The following UNC13C variants were observed in gnomAD, a reference collection of about 807,000 sequenced individuals.
UNC13C encodes the protein protein unc-13 homolog C.
UNC13C carries 174 observed loss-of-function variants against 245.4 expected under a neutral mutation model. The ratio of observed to expected loss-of-function variants is 0.71; its 90% CI spans 0.63 to 0.80. The LOEUF is 0.80. Among genes scored for constraint, UNC13C ranks in the 30% least tolerant of loss-of-function variants. The pLI, the probability that UNC13C is intolerant of heterozygous loss-of-function variation, is 0.00. For synonymous variants in UNC13C, 992 were observed against 895.1 expected, an observed-to-expected ratio of 1.11 and a Z score of -1.93; for missense variants, 2,829 against 2,602.9, an observed-to-expected ratio of 1.09 and a Z score of -1.89.
chr15:54,006,679 C>T (rs1373614811), intron 1 of UNC13C, among the ~76,000 whole-genome samples: 1 of 152,120 alleles, frequency 6.6e-6, no homozygotes, highest in African/African-American at 2.4e-5. Context: ...CTAGAGGATG[C>T]TTTTTAAAAT....
At chr15:54,376,345 T>G (rs1186075721) in intron 17 of UNC13C, among the ~76,000 whole-genome samples, 3 of 152,156 alleles carry the variant, frequency 2.0e-5, no homozygotes, top group Non-Finnish European at 4.4e-5. Flanking sequence ...AAAAGGGGTT[T>G]TAAGAAGATA....
intron 18 of UNC13C, among the ~76,000 whole-genome samples, chr15:54,400,210 A>G (rs959581096): frequency 6.6e-6 from 1 of 151,964 alleles, no homozygotes; most frequent in African/African-American, 2.4e-5. Context: ...AGGCCCTGGT[A>G]TTGTGTAATC....
chr15:54,437,178 C>G (rs1246080836), intron 19 of UNC13C, among the ~76,000 whole-genome samples: 1 of 151,856 alleles, frequency 6.6e-6, no homozygotes, highest in Non-Finnish European at 1.5e-5. Flanking sequence ...CGTTTTGCCT[C>G]AAATATTTTT....
chr15:54,375,161 GCA>G (rs1201188500), intron 17 of UNC13C, among the ~76,000 whole-genome samples: 1 of 152,166 alleles, frequency 6.6e-6, no homozygotes, highest in Non-Finnish European at 1.5e-5. Flanking sequence ...GTAATTGACT[GCA>G]CTAGGTAAAG....
chr15:54,509,459 A>T (rs1894640289), intron 23 of UNC13C, among the ~76,000 whole-genome samples: 1 of 152,142 alleles, frequency 6.6e-6, no homozygotes, highest in Non-Finnish European at 1.5e-5. Context: ...CACTTTGGCC[A>T]TGTAGAAGTG....
the UNC13C span, among the ~76,000 whole-genome samples, chr15:53,868,961 T>G: frequency 1.2e-4 from 18 of 152,076 alleles, no homozygotes; most frequent in African/African-American, 4.3e-4. Context: ...TACAAAAAAT[T>G]TAGTCGGGCG....
the UNC13C span, among the ~76,000 whole-genome samples, chr15:53,928,397 G>A: frequency 5.3e-5 from 8 of 152,288 alleles, no homozygotes; most frequent in South Asian, 8.3e-4. Context: ...ATGCCTTTAA[G>A]CGGTTTTCTG....
rs142303905 is a variant in UNC13C, at chr15:54,085,349, A to G, written c.2984-57669A>G. Among the ~76,000 whole-genome samples the G allele has an allele frequency of 4.3e-3, 650 of 152,302 alleles. 7 individuals are homozygous for G. Among genetic ancestry groups the G allele is most frequent in the African/African-American group, 0.015 (619 of 41,554 alleles). ...GCCCTTAAAGCAAAAGATACAAAAC[A>G]TTAGAGTCCAGAGTCTTACAAAGAA... On this transcript the variant is annotated intron_variant, in intron 2 of 32. Coordinates refer to ENST00000260323, the MANE Select transcript of UNC13C (RefSeq NM_001080534.3).
At chr15:54,009,060 T>C (rs1374373815) in intron 1 of UNC13C, among the ~76,000 whole-genome samples, 5 of 152,156 alleles carry the variant, frequency 3.3e-5, no homozygotes, top group Non-Finnish European at 7.4e-5. Context: ...GCTGGTATTT[T>C]GGACTCACCA....
chr15:53,919,837 A>G, the UNC13C span, among the ~76,000 whole-genome samples: 3 of 152,164 alleles, frequency 2.0e-5, no homozygotes, highest in South Asian at 6.2e-4. Flanking sequence ...AAAATATTTT[A>G]CAGTCAGACT....
intron 17 of UNC13C, among the ~76,000 whole-genome samples, chr15:54,385,565 G>T (rs2039820442): frequency 6.7e-6 from 1 of 149,654 alleles, no homozygotes. Context: ...AGGGTTGGAG[G>T]GGGGCAGGAT....
At chr15:53,958,951 C>G in the UNC13C span, among the ~76,000 whole-genome samples, 1 of 152,226 alleles carries the variant, frequency 6.6e-6, no homozygotes, top group East Asian at 1.9e-4. Context: ...TACTTCCACC[C>G]TGCTTGCCCT....
chr15:54,623,688 G>C, intron 31 of UNC13C, 107 bp from the exon 32 acceptor site: 2 of 955,894 alleles, frequency 2.1e-6, no homozygotes, highest in Admixed American at 5.0e-5. Flanking sequence ...CTTGTCAGTG[G>C]AGTTAGGGCA....
At chr15:54,603,526 A>G (rs1356711994) in intron 30 of UNC13C, among the ~76,000 whole-genome samples, 3 of 151,714 alleles carry the variant, frequency 2.0e-5, no homozygotes, top group Admixed American at 6.6e-5. Context: ...TGGATCTATA[A>G]GCACTCCCAC....
chr15:54,589,727 G>A (rs575457465), intron 30 of UNC13C, among the ~76,000 whole-genome samples: 2 of 152,014 alleles, frequency 1.3e-5, no homozygotes, highest in Non-Finnish European at 2.9e-5. Context: ...CAGAAGTATA[G>A]ATTGTGAACA....
chr15:54,233,037 A>G (rs2035594862), intron 4 of UNC13C, among the ~76,000 whole-genome samples: 1 of 152,132 alleles, frequency 6.6e-6, no homozygotes, highest in South Asian at 2.1e-4. Context: ...GTGGGGCTTA[A>G]GAAAAAAAGT....
chr15:53,983,901 G>A (rs1894022714), intron 1 of UNC13C, among the ~76,000 whole-genome samples: 1 of 151,734 alleles, frequency 6.6e-6, no homozygotes, highest in South Asian at 2.1e-4. Flanking sequence ...CTTTCTCATG[G>A]TTCATATTCA....
At chr15:54,408,514 T>C (rs1441277859) in intron 18 of UNC13C, among the ~76,000 whole-genome samples, 1 of 152,140 alleles carries the variant, frequency 6.6e-6, no homozygotes, top group Non-Finnish European at 1.5e-5. Context: ...TTAAAAGAAC[T>C]CACGTATATA....
At chr15:54,598,958 G>A (rs369805856) in intron 30 of UNC13C, among the ~76,000 whole-genome samples, 1 of 152,064 alleles carries the variant, frequency 6.6e-6, no homozygotes, top group African/African-American at 2.4e-5. Context: ...AATATTAAAT[G>A]AAAAATCAAT....
Sources: allele counts gnomAD v4.1 joint callset (sites outside exome capture counted in the v4.1 genomes callset), GRCh38; gene constraint gnomAD v4.1.1; transcripts MANE v1.5; gene names NCBI Gene and HGNC (gene_info 2026-07-23, HGNC 2026-07-21).